The following CORO2B variants were observed in gnomAD, a reference collection of about 807,000 sequenced individuals.
CORO2B encodes coronin 2B, also known as coronin-2B.
Under a neutral mutation model 58.8 loss-of-function variants are expected in CORO2B, and 26 were observed. The ratio of observed to expected loss-of-function variants is 0.44; its 90% CI spans 0.32 to 0.61. CORO2B has a LOEUF of 0.61. Among genes scored for constraint, CORO2B ranks in the 20% least tolerant of loss-of-function variants. The pLI is 0.04. For synonymous variants in CORO2B, 242 were observed against 253.8 expected (o/e 0.95, Z 0.44); for missense variants, 460 against 645.1 (o/e 0.71, Z 3.11).
chr15:68,647,018 C>CT (rs1392871155), intron 2 of CORO2B, among the ~76,000 whole-genome samples: 1 of 152,192 alleles, frequency 6.6e-6, no homozygotes, highest in Non-Finnish European at 1.5e-5. Flanking sequence ...AAACCTATCG[C>CT]CGGCACCCTG....
intron 2 of CORO2B, among the ~76,000 whole-genome samples, chr15:68,656,181 C>A (rs1174969751): frequency 6.7e-6 from 1 of 148,380 alleles, no homozygotes; most frequent in Non-Finnish European, 1.5e-5. Flanking sequence ...CCCCCCGCCC[C>A]CCGACCCAAC....
At chr15:68,676,357 G>A (rs1020249292) in intron 2 of CORO2B, among the ~76,000 whole-genome samples, 1 of 152,316 alleles carries the variant, frequency 6.6e-6, no homozygotes, top group Admixed American at 6.5e-5. Context: ...ATTGAAGCAG[G>A]ACTTCTGCCT....
chr15:68,600,165 C>A (rs1899945426), intron 1 of CORO2B, among the ~76,000 whole-genome samples: 8 of 152,216 alleles, frequency 5.3e-5, no homozygotes, highest in Admixed American at 2.0e-4. Flanking sequence ...ACAAACAAGC[C>A]TCCATCTAAA....
At chr15:68,652,345 G>T (rs566378199) in intron 2 of CORO2B, among the ~76,000 whole-genome samples, 2 of 152,198 alleles carry the variant, frequency 1.3e-5, no homozygotes, top group African/African-American at 4.8e-5. Context: ...AGCTGGAGGG[G>T]CCTTATGAAT....
At chr15:68,557,759 G>C in the CORO2B span, among the ~76,000 whole-genome samples, 593 of 152,364 alleles carry the variant, frequency 3.9e-3, 4 homozygotes, top group African/African-American at 0.014. Context: ...ATGCCAGGAC[G>C]TAAACCCAGG....
chr15:68,688,759 C>T (rs992963068), intron 2 of CORO2B, among the ~76,000 whole-genome samples: 9 of 152,166 alleles, frequency 5.9e-5, no homozygotes, highest in African/African-American at 2.2e-4. Flanking sequence ...ATGGCAGTGA[C>T]TGTTTCAGTG....
intron 3 of CORO2B, among the ~76,000 whole-genome samples, chr15:68,699,601 C>A (rs1253927741): frequency 6.6e-6 from 1 of 152,128 alleles, no homozygotes; most frequent in Admixed American, 6.5e-5. Flanking sequence ...GCCAGGCCAG[C>A]TGCCCCAGAA....
At chr15:68,602,171 A>C (rs1215540867) in intron 1 of CORO2B, among the ~76,000 whole-genome samples, 1 of 152,052 alleles carries the variant, frequency 6.6e-6, no homozygotes, top group African/African-American at 2.4e-5. Context: ...TCATAATCCC[A>C]TTCGCAAGGA....
chr15:68,718,897 A>C, intron 9 of CORO2B, 87 bp downstream of exon 9: 1 of 1,203,804 alleles, frequency 8.3e-7, no homozygotes, highest in Non-Finnish European at 1.2e-6. Flanking sequence ...GGAGAAACCC[A>C]GGTGAGAGAT....
At chr15:68,546,974 A>C in the CORO2B span, among the ~76,000 whole-genome samples, 1 of 152,254 alleles carries the variant, frequency 6.6e-6, no homozygotes, top group Admixed American at 6.5e-5. Context: ...TGGCCAGCTT[A>C]ATTCCAGAAA....
intron 1 of CORO2B, among the ~76,000 whole-genome samples, chr15:68,611,767 CT>C (rs1475459553): frequency 2.7e-5 from 4 of 149,600 alleles, no homozygotes; most frequent in African/African-American, 7.4e-5. Flanking sequence ...CAATTTTCCA[CT>C]TTTTTTCTTT....
intron 2 of CORO2B, among the ~76,000 whole-genome samples, chr15:68,648,875 T>C (rs1901543470): frequency 6.6e-6 from 1 of 152,244 alleles, no homozygotes; most frequent in Non-Finnish European, 1.5e-5. Flanking sequence ...TATTTAAAGA[T>C]GCATGTCTAC....
At chr15:68,548,817 A>G in the CORO2B span, among the ~76,000 whole-genome samples, 2 of 152,192 alleles carry the variant, frequency 1.3e-5, no homozygotes, top group African/African-American at 4.8e-5. Flanking sequence ...GTGCTTATTG[A>G]TGACTTAGAT....
At chr15:68,631,686 C>CCAGGGGCCAGGGGG in intron 1 of CORO2B, among the ~76,000 whole-genome samples, 1 of 152,314 alleles carries the variant, frequency 6.6e-6, no homozygotes, top group South Asian at 2.1e-4. Context: ...GAAGTACACA[C>CCAGGGGCCAGGGGG]CAGGTGCCAG....
chr15:68,543,322 C>T, the CORO2B span, among the ~76,000 whole-genome samples: 1 of 152,144 alleles, frequency 6.6e-6, no homozygotes, highest in African/African-American at 2.4e-5. Context: ...TGGTTGGCTT[C>T]CTCCCTCCCC....
the CORO2B span, among the ~76,000 whole-genome samples, chr15:68,571,226 ACT>A: frequency 8.5e-5 from 13 of 152,202 alleles, no homozygotes; most frequent in Non-Finnish European, 1.6e-4. Context: ...CCTGTTCTGT[ACT>A]CAGTACTCAA....
At chr15:68,606,802 G>A (rs1900135382) in intron 1 of CORO2B, among the ~76,000 whole-genome samples, 1 of 152,176 alleles carries the variant, frequency 6.6e-6, no homozygotes, top group Non-Finnish European at 1.5e-5. Flanking sequence ...GATGGCCCCA[G>A]ATAGAGGATG....
intron 1 of CORO2B, among the ~76,000 whole-genome samples, chr15:68,636,611 T>C (rs1306122357): frequency 6.6e-6 from 1 of 152,136 alleles, no homozygotes; most frequent in Admixed American, 6.6e-5. Flanking sequence ...AGGGGCCCTG[T>C]GAGTTGGTAG....
intron 3 of CORO2B, among the ~76,000 whole-genome samples, chr15:68,700,185 C>T (rs1474401091): frequency 2.0e-5 from 3 of 152,140 alleles, no homozygotes; most frequent in South Asian, 4.1e-4. Flanking sequence ...TCACCAGACA[C>T]GACATCCAGA....
Sources: gnomAD v4.1 joint callset for allele counts (sites outside exome capture counted in the v4.1 genomes callset) on GRCh38, gnomAD v4.1.1 for gene constraint, MANE v1.5 for transcripts, NCBI Gene and HGNC (gene_info 2026-07-23, HGNC 2026-07-21) for gene names.